The following CCDC7 variants were observed in gnomAD, a reference collection of about 807,000 sequenced individuals.
The protein encoded by CCDC7 is coiled-coil domain containing 7.
Under a neutral mutation model 196.9 loss-of-function variants are expected in CCDC7, and 183 were observed. The observed-to-expected ratio is 0.93, with a 90% CI of 0.82 to 1.05. The LOEUF is 1.05. CCDC7 is among the 50% of genes least tolerant of loss of function. The probability of loss-of-function intolerance (pLI) is 0.00; values close to 1 mark genes in which losing one functional copy is unlikely to be tolerated. For missense variants in CCDC7, 1,540 were observed against 1,482.2 expected, an observed-to-expected ratio of 1.04 and a Z score of -0.64; for synonymous variants, 525 against 484.6, an observed-to-expected ratio of 1.08 and a Z score of -1.10.
intron 20 of CCDC7, among the ~76,000 whole-genome samples, chr10:32,639,466 T>C (rs2066302737): frequency 6.6e-6 from 1 of 152,246 alleles, no homozygotes; most frequent in Non-Finnish European, 1.5e-5. Flanking sequence ...AGAACATCTT[T>C]AATTTTGGCT....
intron 41 of CCDC7, among the ~76,000 whole-genome samples, chr10:32,857,079 G>A (rs1381559216): frequency 6.6e-6 from 1 of 151,972 alleles, no homozygotes; most frequent in Non-Finnish European, 1.5e-5. Context: ...GATGCCCTCA[G>A]GTAAATCTAC....
At chr10:32,841,431 A>C (rs534892092) in intron 33 of CCDC7, among the ~76,000 whole-genome samples, 23 of 152,196 alleles carry the variant, frequency 1.5e-4, no homozygotes, top group African/African-American at 5.5e-4. Flanking sequence ...AAAAAACAAA[A>C]AAAGGTAGGA....
chr10:32,867,134 T>C (rs2094227897), intron 41 of CCDC7, among the ~76,000 whole-genome samples: 1 of 151,682 alleles, frequency 6.6e-6, no homozygotes, highest in South Asian at 2.1e-4. Context: ...TGGTCCTAGA[T>C]TCAATCTTAG....
At chr10:32,658,097 G>A (rs2070371409) in intron 20 of CCDC7, among the ~76,000 whole-genome samples, 1 of 152,158 alleles carries the variant, frequency 6.6e-6, no homozygotes, top group South Asian at 2.1e-4. Context: ...AAGTCTCCAG[G>A]AAGTTCCAAA....
rs536470215 is a variant in CCDC7 at position 32,782,883 on chromosome 10, T to C, written c.3013+3799T>C. ...AAATAACTTTCAGCAAAGTTGCCAA[T>C]ACCATTTACTGGTAAGAAGGCAGTC... On this transcript the variant is annotated intron_variant, in intron 29 of 41. Transcript: ENST00000639629. Among the ~76,000 whole-genome samples the C allele has an allele frequency of 2.6e-5, 4 of 152,336 alleles. No individual in the cohort carries two copies. The South Asian group carries it at 8.3e-4, about 32-fold the overall frequency.
intron 29 of CCDC7, among the ~76,000 whole-genome samples, chr10:32,801,371 T>C (rs1352655738): frequency 6.6e-6 from 1 of 152,192 alleles, no homozygotes; most frequent in African/African-American, 2.4e-5. Flanking sequence ...TTTTAATCCA[T>C]ATTTCAGCTA....
chr10:32,539,886 A>G (rs930755251), intron 11 of CCDC7, among the ~76,000 whole-genome samples: 1 of 150,286 alleles, frequency 6.7e-6, no homozygotes, highest in African/African-American at 2.4e-5. Flanking sequence ...TGTGGTTGGT[A>G]TGATTTTGAT....
chr10:32,795,702 G>A (rs1302133127), intron 29 of CCDC7, among the ~76,000 whole-genome samples: 10 of 152,220 alleles, frequency 6.6e-5, no homozygotes, highest in Admixed American at 5.2e-4. Flanking sequence ...GGTTTTATTA[G>A]ATACATTTGC....
At chr10:32,855,559 C>A (rs2093719942) in intron 41 of CCDC7, among the ~76,000 whole-genome samples, 1 of 152,132 alleles carries the variant, frequency 6.6e-6, no homozygotes, top group African/African-American at 2.4e-5. Flanking sequence ...GCGCAGTTCA[C>A]AATAGGGTTT....
At chr10:32,702,504 G>A (rs562194697) in intron 24 of CCDC7, among the ~76,000 whole-genome samples, 1 of 152,160 alleles carries the variant, frequency 6.6e-6, no homozygotes, top group Non-Finnish European at 1.5e-5. Context: ...CTGTTGATTT[G>A]GGGTGGAGAG....
intron 18 of CCDC7, among the ~76,000 whole-genome samples, chr10:32,614,806 A>G (rs959976343): frequency 3.3e-5 from 5 of 152,106 alleles, no homozygotes; most frequent in Non-Finnish European, 7.4e-5. Flanking sequence ...AGTTTGATCT[A>G]TCCCACCCAC....
chr10:32,828,555 G>GAAGAAGAAGAAA (rs2091740878), intron 32 of CCDC7, among the ~76,000 whole-genome samples: 1 of 147,774 alleles, frequency 6.8e-6, no homozygotes, highest in African/African-American at 2.5e-5. Flanking sequence ...AGAAGAAGAA[G>GAAGAAGAAGAAA]AAGAAAGAAG....
chr10:32,746,389 C>T (rs1170252404), intron 28 of CCDC7, among the ~76,000 whole-genome samples: 1 of 152,160 alleles, frequency 6.6e-6, no homozygotes, highest in Non-Finnish European at 1.5e-5. Context: ...GGGAGAGCTG[C>T]TTTAAGAGGT....
At chr10:32,801,347 C>T (rs1447787998) in intron 29 of CCDC7, among the ~76,000 whole-genome samples, 3 of 152,188 alleles carry the variant, frequency 2.0e-5, no homozygotes, top group Admixed American at 1.3e-4. Flanking sequence ...CCAGCTCGCT[C>T]ACAGTGGGCC....
intron 25 of CCDC7, among the ~76,000 whole-genome samples, chr10:32,724,423 A>C (rs2082834380): frequency 1.3e-5 from 2 of 152,142 alleles, no homozygotes; most frequent in Admixed American, 1.3e-4. Context: ...AGTCAAACTG[A>C]AAGGAATAAT....
At chr10:32,509,396 A>G (rs978583167) in intron 9 of CCDC7, among the ~76,000 whole-genome samples, 1 of 152,126 alleles carries the variant, frequency 6.6e-6, no homozygotes, top group African/African-American at 2.4e-5. Context: ...GCATAAAAAT[A>G]AATTCAAAAT....
chr10:32,763,077 C>A (rs2077704736), intron 28 of CCDC7, among the ~76,000 whole-genome samples: 1 of 151,828 alleles, frequency 6.6e-6, no homozygotes, highest in African/African-American at 2.4e-5. Context: ...AGAGAGCCAA[C>A]AGATTCAGAG....
At chr10:32,635,082 T>G (rs909756311) in exon 20 of CCDC7, 3 of 398,682 alleles carry the variant, frequency 7.5e-6, no homozygotes, top group East Asian at 3.6e-5. Context: ...CACAATTGCC[T>G]GAGGACATGG....
At chr10:32,698,239 G>A (rs1213795288) in intron 24 of CCDC7, among the ~76,000 whole-genome samples, 1 of 152,168 alleles carries the variant, frequency 6.6e-6, no homozygotes, top group Non-Finnish European at 1.5e-5. Context: ...CCACAAAGAT[G>A]GGGAGAAACC....
Sources: allele counts gnomAD v4.1 joint callset (sites outside exome capture counted in the v4.1 genomes callset), GRCh38; gene constraint gnomAD v4.1.1; transcripts MANE v1.5; gene names NCBI Gene and HGNC (gene_info 2026-07-23, HGNC 2026-07-21).